Variants in MYO3B observed in about 807,000 individuals in gnomAD.
The protein encoded by MYO3B is myosin IIIB, also known as myosin-IIIb.
A neutral mutation model predicts 174.6 loss-of-function variants in MYO3B; 156 were observed. That is an observed-to-expected ratio of 0.89 (90% CI 0.78 to 1.02). The LOEUF (loss-of-function observed/expected upper bound fraction) is 1.02. Ranked by LOEUF, MYO3B falls within the 50% of genes least tolerant of loss-of-function variation. The pLI is 0.00. For missense variants in MYO3B, 1,632 were observed against 1,639.4 expected, an observed-to-expected ratio of 1.00 and a Z score of 0.08; for synonymous variants, 563 against 569.1, an observed-to-expected ratio of 0.99 and a Z score of 0.15.
chr2:170,429,608 A>C (rs1489817568), intron 22 of MYO3B, among the ~76,000 whole-genome samples: 1 of 152,224 alleles, frequency 6.6e-6, no homozygotes, highest in African/African-American at 2.4e-5. Context: ...ATTTTAAAAT[A>C]AGAAGCCTCC....
chr2:170,406,983 C>T (rs2094513806), intron 21 of MYO3B, among the ~76,000 whole-genome samples: 1 of 152,170 alleles, frequency 6.6e-6, no homozygotes, highest in African/African-American at 2.4e-5. Flanking sequence ...TGATACCTAC[C>T]TACCACTTGT....
chr2:170,443,472 C>A (rs1169792468), intron 22 of MYO3B, among the ~76,000 whole-genome samples: 1 of 152,110 alleles, frequency 6.6e-6, no homozygotes, highest in Admixed American at 6.5e-5. Flanking sequence ...GTTTCTTTTG[C>A]TGTGCAGAAT....
intron 1 of MYO3B, among the ~76,000 whole-genome samples, chr2:170,182,295 AG>A (rs1233360511): frequency 6.6e-6 from 1 of 152,164 alleles, no homozygotes; most frequent in Non-Finnish European, 1.5e-5. Context: ...TTTTGGAGAA[AG>A]GAATGAGGTA....
chr2:170,465,459 C>T lies in MYO3B; in HGVS notation c.2809-1047C>T, dbSNP rs184884894. ...CATTCATGAGGAATTTGCCCCATGA[C>T]CCAAACACCTCCCACTGGGCCCATT... is the stretch of plus-strand genomic sequence containing the variant. On this transcript the variant is annotated intron_variant, in intron 24 of 34. Coordinates refer to ENST00000408978, the MANE Select transcript of MYO3B (RefSeq NM_138995.5). Among the ~76,000 whole-genome samples the T allele has an allele frequency of 1.4e-3, 218 of 152,262 alleles. 2 individuals carry two copies. Among genetic ancestry groups the T allele is most frequent in the South Asian group, 6.6e-3 (32 of 4,818 alleles).
chr2:170,405,425 A>T, intron 20 of MYO3B, 120 bp from the exon 21 acceptor site: 1 of 767,690 alleles, frequency 1.3e-6, no homozygotes, highest in Non-Finnish European at 2.2e-6. Context: ...CACCCTTGTT[A>T]ATATCAAGGC....
chr2:170,211,293 G>A (rs964628302), intron 3 of MYO3B, among the ~76,000 whole-genome samples: 1 of 152,010 alleles, frequency 6.6e-6, no homozygotes, highest in Admixed American at 6.6e-5. Flanking sequence ...TACCCAAAGA[G>A]GAAAAAGCAT....
Position 170,401,672 on chromosome 2 carries a change from C to G in MYO3B, c.2110C>G (p.Gln704Glu), listed in dbSNP as rs914014983. ...TGTGAATCGCATTAATACACTCCTG[C>G]AGCCAGACGAAAACATATGGCAAGT... ...WIVNRINTLL[Q>E]PDENICSAGG... Residue 704 changes from glutamine to glutamate, a missense_variant, in exon 18 of 35, where the codon CAG (glutamine) becomes GAG (glutamate). Coordinates refer to ENST00000408978, the MANE Select transcript of MYO3B (RefSeq NM_138995.5). 1 of 1,613,726 alleles carries G rather than the reference C, an allele frequency of 6.2e-7. No individual in the cohort carries two copies. The highest frequency in any genetic ancestry group is 1.3e-5 in the African/African-American group (1 of 74,920).
chr2:170,618,700 G>T (rs575809173), intron 32 of MYO3B, among the ~76,000 whole-genome samples: 1 of 152,078 alleles, frequency 6.6e-6, no homozygotes, highest in South Asian at 2.1e-4. Flanking sequence ...ATATACCAGC[G>T]TTTATTATTA....
chr2:170,529,595 C>T (rs1441812404), intron 30 of MYO3B, among the ~76,000 whole-genome samples: 1 of 152,182 alleles, frequency 6.6e-6, no homozygotes, highest in African/African-American at 2.4e-5. Flanking sequence ...CCCCTTCCTG[C>T]ATTACCCATA....
chr2:170,286,856 C>A (rs967393298), intron 7 of MYO3B, among the ~76,000 whole-genome samples: 1 of 151,796 alleles, frequency 6.6e-6, no homozygotes, highest in Non-Finnish European at 1.5e-5. Flanking sequence ...ATTTATATTT[C>A]TTTTTTCCTC....
At chr2:170,556,431 C>G (rs1308250465) in intron 32 of MYO3B, among the ~76,000 whole-genome samples, 1 of 152,180 alleles carries the variant, frequency 6.6e-6, no homozygotes, top group South Asian at 2.1e-4. Context: ...TCCAAACTGG[C>G]TTTACCATTT....
At chr2:170,192,008 G>T (rs1229268235) in intron 1 of MYO3B, among the ~76,000 whole-genome samples, 1 of 151,940 alleles carries the variant, frequency 6.6e-6, no homozygotes, top group African/African-American at 2.4e-5. Flanking sequence ...TTATTTTTCT[G>T]TGCTACTTTT....
At chr2:170,401,454 C>G in intron 17 of MYO3B, 27 bp from the exon 18 acceptor site, 2 of 1,602,916 alleles carry the variant, frequency 1.2e-6, no homozygotes, top group Non-Finnish European at 1.7e-6. Context: ...TGGCTACATT[C>G]TGTGTTATCC....
At chr2:170,490,184 A>G (rs1686369299) in intron 25 of MYO3B, among the ~76,000 whole-genome samples, 1 of 151,790 alleles carries the variant, frequency 6.6e-6, no homozygotes, top group African/African-American at 2.4e-5. Flanking sequence ...ATCTGCTACC[A>G]CGCCCGGCTA....
chr2:170,529,483 T>G (rs1260156726), intron 30 of MYO3B, among the ~76,000 whole-genome samples: 1 of 151,952 alleles, frequency 6.6e-6, no homozygotes, highest in African/African-American at 2.4e-5. Context: ...TCTCTCTCCT[T>G]ATACTATTTA....
intron 1 of MYO3B, among the ~76,000 whole-genome samples, chr2:170,190,310 C>T (rs1559286069): frequency 1.3e-5 from 2 of 152,310 alleles, no homozygotes; most frequent in African/African-American, 4.8e-5. Flanking sequence ...GAAGCCAGCA[C>T]AGTACTGGCT....
At chr2:170,373,629 A>G (rs2094264863) in intron 9 of MYO3B, among the ~76,000 whole-genome samples, 1 of 152,122 alleles carries the variant, frequency 6.6e-6, no homozygotes, top group South Asian at 2.1e-4. Flanking sequence ...AAGGATATAT[A>G]TAGAGAGGGA....
chr2:170,651,243 T>A (rs1307011446), intron 32 of MYO3B, among the ~76,000 whole-genome samples: 3 of 152,200 alleles, frequency 2.0e-5, no homozygotes, highest in Non-Finnish European at 4.4e-5. Context: ...TTTTGAACTC[T>A]CATTGCAGGA....
Position 170,386,273 on chromosome 2 carries a change from G to C in MYO3B, c.1374+1G>C, listed in dbSNP as rs1446017640. The C allele has an allele frequency of 1.2e-6, 2 of 1,612,408 alleles. No individual in the cohort carries two copies. The highest frequency in any genetic ancestry group is 1.1e-5 in the South Asian group (1 of 90,984). On this transcript the variant is annotated splice_donor_variant, in intron 13 of 34. Coordinates refer to ENST00000408978, the MANE Select transcript of MYO3B (RefSeq NM_138995.5). LOFTEE classifies it high-confidence loss of function. ...TCAGCATTTGACTTTCTTGGGAAAG[G>C]TATTGACTAATCTGCTTTACGTATT...
Sources: gnomAD v4.1 joint callset for allele counts (sites outside exome capture counted in the v4.1 genomes callset) on GRCh38, gnomAD v4.1.1 for gene constraint, MANE v1.5 for transcripts, NCBI Gene and HGNC (gene_info 2026-07-23, HGNC 2026-07-21) for gene names.